The following SNX13 variants were observed in gnomAD, a reference collection of about 807,000 sequenced individuals.
SNX13 encodes sorting nexin-13.
SNX13 carries 45 observed loss-of-function variants against 133.6 expected under a neutral mutation model. The observed-to-expected ratio is 0.34, with a 90% confidence interval of 0.27 to 0.43. SNX13 has a LOEUF of 0.43. SNX13 is among the 20% of genes least tolerant of loss of function. SNX13 has a pLI of 1.00. For missense variants in SNX13, 1,032 were observed against 1,145.1 expected, an observed-to-expected ratio of 0.90 and a Z score of 1.43; for synonymous variants, 414 against 373.9, an observed-to-expected ratio of 1.11 and a Z score of -1.24.
At chr7:17,801,440 A>G (rs1396908858) in intron 22 of SNX13, 148 bp downstream of exon 22, 2 of 619,682 alleles carry the variant, frequency 3.2e-6, no homozygotes, top group Non-Finnish European at 5.5e-6. Flanking sequence ...TGTTAATTAC[A>G]TGGGCATGTT....
intron 20 of SNX13, among the ~76,000 whole-genome samples, chr7:17,809,684 A>G (rs1483980722): frequency 6.6e-6 from 1 of 152,202 alleles, no homozygotes; most frequent in African/African-American, 2.4e-5. Context: ...TCAGCACCAC[A>G]TCGCACTTAT....
At chr7:17,861,322 T>C (rs1431914032) in intron 9 of SNX13, among the ~76,000 whole-genome samples, 6 of 145,292 alleles carry the variant, frequency 4.1e-5, no homozygotes, top group Non-Finnish European at 7.5e-5. Context: ...ACACATACAG[T>C]TATCACACAT....
intron 13 of SNX13, among the ~76,000 whole-genome samples, chr7:17,835,209 T>C (rs1294032621): frequency 6.6e-6 from 1 of 151,904 alleles, no homozygotes; most frequent in Non-Finnish European, 1.5e-5. Context: ...AAGATCTATA[T>C]AAGATATATA....
Position 17,893,320 on chromosome 7 carries a change from C to T in SNX13, c.228+12G>A. The T allele has an allele frequency of 6.5e-7, 1 of 1,537,484 alleles. No individual in the cohort carries two copies. Among genetic ancestry groups the T allele is most frequent in the Non-Finnish European group, 8.8e-7 (1 of 1,130,050 alleles). Reference sequence around the variant, plus strand: ...TGGACTTTGAGGTTTTATATTCCCTCAAACGATTTACCTTAGGAACCCCAG... The same window carrying T: ...TGGACTTTGAGGTTTTATATTCCCTTAAACGATTTACCTTAGGAACCCCAG... On this transcript the variant is annotated intron_variant, in intron 3 of 25. Coordinates refer to ENST00000428135, the MANE Select transcript of SNX13 (RefSeq NM_015132.5).
At chr7:17,904,112 T>A (rs1418124620) in intron 1 of SNX13, among the ~76,000 whole-genome samples, 1 of 152,180 alleles carries the variant, frequency 6.6e-6, no homozygotes, top group East Asian at 1.9e-4. Flanking sequence ...ATTTATCTGG[T>A]GATATTTTCT....
chr7:17,908,959 G>C (rs1201707161), intron 1 of SNX13, among the ~76,000 whole-genome samples: 6 of 152,106 alleles, frequency 3.9e-5, no homozygotes, highest in Non-Finnish European at 7.4e-5. Context: ...GCCAGGTGAA[G>C]AACAGAATAA....
At position 17,791,059 on chromosome 7, in the gene SNX13, G is replaced by A. The variant is rs1156528479; in HGVS notation, c.*2986C>T. 6.6e-6 allele frequency: 1 copy of A among 151,980 alleles called. No homozygotes were observed. The highest frequency in any genetic ancestry group is 2.4e-5 in the African/African-American group (1 of 41,426). 9.4% of individuals were successfully genotyped at this position (151,980 alleles called of 1,614,324 possible). On this transcript the variant is annotated 3_prime_UTR_variant, in exon 26 of 26. Coordinates refer to ENST00000428135, the MANE Select transcript of SNX13 (RefSeq NM_015132.5). ...ACTACTAATAAAAGAATTTTCCAAG[G>A]AGTGACAAAAAGACTTTTAAAACAA...
Position 17,931,700 on chromosome 7 carries a change from A to G in SNX13, c.12+8584T>C, listed in dbSNP as rs531747061. Among the ~76,000 whole-genome samples the G allele has an allele frequency of 9.8e-5, 15 of 152,352 alleles. No homozygotes were observed. In the South Asian group the frequency reaches 3.1e-3, roughly 32 times the overall value. On this transcript the variant is annotated intron_variant, in intron 1 of 25. Transcript: ENST00000428135. Reference sequence around the variant, plus strand: ...GGTCTTCACAGATGCATCAGAATAAAAAGATCCCTTAGGAAATCAGAGAAA... The same window carrying G: ...GGTCTTCACAGATGCATCAGAATAAGAAGATCCCTTAGGAAATCAGAGAAA...
At chr7:17,809,828 G>A (rs978852825) in intron 20 of SNX13, among the ~76,000 whole-genome samples, 1 of 152,110 alleles carries the variant, frequency 6.6e-6, no homozygotes, top group Admixed American at 6.5e-5. Flanking sequence ...ACTCAAAACA[G>A]CACAACTACA....
At chr7:17,904,553 T>C (rs1006372852) in intron 1 of SNX13, among the ~76,000 whole-genome samples, 9 of 152,288 alleles carry the variant, frequency 5.9e-5, no homozygotes, top group African/African-American at 1.4e-4. Flanking sequence ...TATCTTAGAA[T>C]AGACTGTCAG....
intron 20 of SNX13, among the ~76,000 whole-genome samples, chr7:17,806,760 C>T (rs917816917): frequency 4.6e-5 from 7 of 152,158 alleles, no homozygotes; most frequent in African/African-American, 1.7e-4. Context: ...AGGTACCCAG[C>T]TCATCTCACT....
At chr7:17,843,404 C>T (rs951751424) in intron 12 of SNX13, among the ~76,000 whole-genome samples, 1 of 151,900 alleles carries the variant, frequency 6.6e-6, no homozygotes, top group Non-Finnish European at 1.5e-5. Context: ...CAGTTACATA[C>T]CTATTAACAG....
intron 9 of SNX13, among the ~76,000 whole-genome samples, chr7:17,853,676 G>C (rs956771447): frequency 3.9e-5 from 6 of 152,232 alleles, no homozygotes; most frequent in Non-Finnish European, 1.5e-5. Context: ...AGGCACAGTG[G>C]CTCACGCCTG....
chr7:17,928,307 C>A (rs1043067452), intron 1 of SNX13, among the ~76,000 whole-genome samples: 1 of 152,050 alleles, frequency 6.6e-6, no homozygotes, highest in Admixed American at 6.6e-5. Flanking sequence ...CCAGCCTGGG[C>A]AATATAGCAA....
intron 8 of SNX13, among the ~76,000 whole-genome samples, chr7:17,871,875 G>C (rs1794158445): frequency 6.6e-6 from 1 of 152,096 alleles, no homozygotes; most frequent in East Asian, 1.9e-4. Context: ...GGTAAATAAG[G>C]CCACACTACA....
intron 9 of SNX13, among the ~76,000 whole-genome samples, chr7:17,851,833 G>A (rs1306456405): frequency 6.6e-6 from 1 of 151,926 alleles, no homozygotes; most frequent in African/African-American, 2.4e-5. Flanking sequence ...GAATATGATG[G>A]ACAAGAGTTC....
chr7:17,920,666 C>G (rs1030916521), intron 1 of SNX13, among the ~76,000 whole-genome samples: 1 of 152,100 alleles, frequency 6.6e-6, no homozygotes, highest in African/African-American at 2.4e-5. Flanking sequence ...AAATTTCCAG[C>G]CCCATATACC....
At chr7:17,900,529 T>C (rs2103144) in intron 1 of SNX13, among the ~76,000 whole-genome samples, 95,750 of 152,098 alleles carry the variant, frequency 0.63, 32,398 homozygotes, top group African/African-American at 0.89. Flanking sequence ...AGCCACAAGA[T>C]GAAGTCCTTC....
At chr7:17,861,155 A>G (rs1792622610) in intron 9 of SNX13, among the ~76,000 whole-genome samples, 1 of 152,106 alleles carries the variant, frequency 6.6e-6, no homozygotes, top group African/African-American at 2.4e-5. Flanking sequence ...AGCTAGGACC[A>G]CAAGTATGCA....
Sources: allele counts gnomAD v4.1 joint callset (sites outside exome capture counted in the v4.1 genomes callset), GRCh38; gene constraint gnomAD v4.1.1; transcripts MANE v1.5; gene names NCBI Gene and HGNC (gene_info 2026-07-23, HGNC 2026-07-21).